The following INTU variants were observed in gnomAD, a reference collection of about 807,000 sequenced individuals.
INTU encodes protein inturned.
In INTU, 68 loss-of-function variants were observed where a neutral mutation model predicts 100.5. The observed-to-expected ratio is 0.68, with a 90% CI of 0.56 to 0.83. The LOEUF is 0.83. Ranked by LOEUF, INTU falls within the 40% of genes least tolerant of loss-of-function variation. The probability of loss-of-function intolerance (pLI) is 0.00; values close to 1 mark genes in which losing one functional copy is unlikely to be tolerated. For synonymous variants in INTU, 357 were observed against 395.7 expected, an observed-to-expected ratio of 0.90 and a Z score of 1.16; for missense variants, 1,071 against 1,114.7, an observed-to-expected ratio of 0.96 and a Z score of 0.56.
chr4:127,651,699 C>A (rs192790655), intron 2 of INTU, among the ~76,000 whole-genome samples: 1 of 151,824 alleles, frequency 6.6e-6, no homozygotes, highest in Non-Finnish European at 1.5e-5. Flanking sequence ...CTTGGCGATG[C>A]GGGCTCTTTT....
chr4:127,666,203 C>T (rs776139630), intron 4 of INTU, among the ~76,000 whole-genome samples: 3 of 152,070 alleles, frequency 2.0e-5, no homozygotes, highest in African/African-American at 2.4e-5. Context: ...ATGATATCCC[C>T]GATCGTCTCT....
intron 8 of INTU, among the ~76,000 whole-genome samples, chr4:127,691,958 G>GTGTGTGTGTGTATATATATATATA (rs1190558207): frequency 3.9e-5 from 2 of 51,164 alleles, no homozygotes; most frequent in African/African-American, 1.7e-4. Context: ...GTGTTCCATG[G>GTGTGTGTGTGTATATATATATATA]TATGTATATA....
chr4:127,713,909 A>G (rs1361842911), intron 14 of INTU, 27 bp from the exon 15 acceptor site: 1 of 1,521,546 alleles, frequency 6.6e-7, no homozygotes, highest in African/African-American at 1.4e-5. Flanking sequence ...ATACCAGTTA[A>G]TACTAACAAT....
intron 15 of INTU, among the ~76,000 whole-genome samples, chr4:127,714,454 A>C (rs1249216534): frequency 6.6e-6 from 1 of 150,978 alleles, no homozygotes; most frequent in African/African-American, 2.4e-5. Context: ...GACCATGCCC[A>C]GTCAGGACCC....
At chr4:127,633,504 T>A (rs1035806959) in intron 1 of INTU, among the ~76,000 whole-genome samples, 2 of 152,210 alleles carry the variant, frequency 1.3e-5, no homozygotes, top group East Asian at 3.8e-4. Context: ...CAAAAAACTC[T>A]GTTTCGATCG....
chr4:127,658,384 G>T (rs1186063632), intron 3 of INTU, among the ~76,000 whole-genome samples: 1 of 152,192 alleles, frequency 6.6e-6, no homozygotes, highest in Non-Finnish European at 1.5e-5. Flanking sequence ...GCCAGCCATG[G>T]TGCTAGAGTA....
At chr4:127,689,558 A>G (rs1450479138) in intron 8 of INTU, among the ~76,000 whole-genome samples, 1 of 152,034 alleles carries the variant, frequency 6.6e-6, no homozygotes, top group Non-Finnish European at 1.5e-5. Flanking sequence ...CTGAGGTGGG[A>G]GGATTACTTG....
At chr4:127,690,210 TG>T (rs1160725125) in intron 8 of INTU, among the ~76,000 whole-genome samples, 1 of 152,236 alleles carries the variant, frequency 6.6e-6, no homozygotes, top group Non-Finnish European at 1.5e-5. Context: ...TTGAGATTTT[TG>T]TTAATTTAGC....
intron 15 of INTU, among the ~76,000 whole-genome samples, chr4:127,715,107 A>T (rs1731223384): frequency 6.6e-6 from 1 of 152,154 alleles, no homozygotes; most frequent in Non-Finnish European, 1.5e-5. Flanking sequence ...ATACTATAGG[A>T]ATTCTGAGGA....
At chr4:127,686,917 A>G (rs1456870966) in intron 7 of INTU, 4 of 152,166 alleles carry the variant, frequency 2.6e-5, no homozygotes, top group Admixed American at 6.6e-5. Context: ...TGTACCTGCT[A>G]TTTTGTCATT....
chr4:127,672,882 A>C (rs543893762), intron 5 of INTU, among the ~76,000 whole-genome samples: 4 of 152,342 alleles, frequency 2.6e-5, no homozygotes, highest in Non-Finnish European at 5.9e-5. Context: ...TTAAATTTTT[A>C]AAACTTCACT....
intron 8 of INTU, chr4:127,699,411 G>A (rs2148724977): frequency 6.6e-6 from 1 of 152,270 alleles, no homozygotes; most frequent in African/African-American, 2.4e-5. Flanking sequence ...CTGTGGGGTA[G>A]TTGAACTGTG....
intron 1 of INTU, among the ~76,000 whole-genome samples, chr4:127,634,425 C>T (rs1560822326): frequency 6.6e-6 from 1 of 152,166 alleles, no homozygotes; most frequent in Non-Finnish European, 1.5e-5. Context: ...TATAGTTGCA[C>T]AGCTGAGTGT....
chr4:127,688,455 CA>C (rs755168189), intron 8 of INTU, among the ~76,000 whole-genome samples: 36 of 152,176 alleles, frequency 2.4e-4, no homozygotes, highest in Non-Finnish European at 3.5e-4. Flanking sequence ...ACATTTTCAT[CA>C]GTGTAGATCA....
chr4:127,676,275 C>T (rs564894742), intron 6 of INTU, among the ~76,000 whole-genome samples: 219 of 151,938 alleles, frequency 1.4e-3, no homozygotes, highest in African/African-American at 4.9e-3. Flanking sequence ...TTATGAAGAA[C>T]GAAGGAGTTG....
intron 11 of INTU, 143 bp from the exon 12 acceptor site, chr4:127,706,344 G>T (rs1578632930): frequency 5.8e-6 from 4 of 686,056 alleles, no homozygotes; most frequent in Non-Finnish European, 9.4e-6. Flanking sequence ...AAAAAGGAAA[G>T]ATGACGGAGG....
intron 8 of INTU, 72 bp from the exon 9 acceptor site, chr4:127,699,938 T>C (rs1012423785): frequency 9.1e-6 from 10 of 1,103,734 alleles, no homozygotes; most frequent in Non-Finnish European, 1.3e-5. Context: ...GCACTTTTTA[T>C]ATGGCCATTA....
chr4:127,682,305 G>A (rs1337887126), intron 6 of INTU, among the ~76,000 whole-genome samples: 25 of 152,080 alleles, frequency 1.6e-4, no homozygotes, highest in African/African-American at 5.6e-4. Context: ...ACATGCACAC[G>A]TATGTTTATT....
chr4:127,705,880 G>A (rs1011045993), intron 11 of INTU, 68 bp downstream of exon 11: 1 of 1,267,804 alleles, frequency 7.9e-7, no homozygotes, highest in Admixed American at 1.9e-5. Flanking sequence ...TTTCGGCAGG[G>A]GTTGAGGGAT....
Sources: allele counts gnomAD v4.1 joint callset (sites outside exome capture counted in the v4.1 genomes callset), GRCh38; gene constraint gnomAD v4.1.1; transcripts MANE v1.5; gene names NCBI Gene and HGNC (gene_info 2026-07-23, HGNC 2026-07-21).